IL1RAPL1: variants seen among roughly 807,000 people sequenced by gnomAD.
The protein encoded by IL1RAPL1 is interleukin-1 receptor accessory protein-like 1.
In IL1RAPL1, 3 loss-of-function variants were observed where a neutral mutation model predicts 48.4. The observed-to-expected ratio is 0.06, with a 90% CI of 0.03 to 0.16. IL1RAPL1 has a LOEUF of 0.16. IL1RAPL1 is among the 10% of genes least tolerant of loss of function. The probability of loss-of-function intolerance (pLI) is 1.00; values close to 1 mark genes in which losing one functional copy is unlikely to be tolerated. For synonymous variants in IL1RAPL1, 185 were observed against 187.7 expected, an observed-to-expected ratio of 0.99 and a Z score of 0.12; for missense variants, 349 against 530.6, an observed-to-expected ratio of 0.66 and a Z score of 3.36.
intron 6 of IL1RAPL1, among the ~76,000 whole-genome samples, chrX:29,825,559 G>A (rs1481843149): frequency 9.0e-6 from 1 of 111,530 alleles, no homozygotes; most frequent in Non-Finnish European, 1.9e-5. Context: ...CTCAACAGCG[G>A]ATGCTCTGGT....
intron 2 of IL1RAPL1, among the ~76,000 whole-genome samples, chrX:28,858,616 G>A (rs974794012): frequency 1.8e-5 from 2 of 112,339 alleles, no homozygotes; most frequent in African/African-American, 3.2e-5. Context: ...TATGTACATT[G>A]TTTTCAGACA....
At chrX:28,663,733 C>T (rs1177132197) in intron 1 of IL1RAPL1, among the ~76,000 whole-genome samples, 3 of 105,755 alleles carry the variant, frequency 2.8e-5, no homozygotes, top group African/African-American at 1.0e-4. Flanking sequence ...CTATTGGCCC[C>T]ATATACAAAT....
intron 2 of IL1RAPL1, among the ~76,000 whole-genome samples, chrX:29,026,469 C>G (rs1044388771): frequency 6.3e-5 from 7 of 111,134 alleles, no homozygotes; most frequent in African/African-American, 2.3e-4. Context: ...GATGCATGCA[C>G]GGCTTAAAAC....
At chrX:29,656,647 A>G (rs946330425) in intron 5 of IL1RAPL1, among the ~76,000 whole-genome samples, 3 of 110,105 alleles carry the variant, frequency 2.7e-5, no homozygotes, top group Non-Finnish European at 3.8e-5. Flanking sequence ...ATATATATAT[A>G]TTTATACACC....
chrX:28,947,661 G>T (rs1009008717), intron 2 of IL1RAPL1, among the ~76,000 whole-genome samples: 2 of 111,498 alleles, frequency 1.8e-5, no homozygotes, highest in East Asian at 2.8e-4. Flanking sequence ...GTGTACGTAT[G>T]TAACAAACCT....
chrX:29,886,144 GA>G (rs1363841070), intron 6 of IL1RAPL1, among the ~76,000 whole-genome samples: 1 of 111,948 alleles, frequency 8.9e-6, no homozygotes, highest in Non-Finnish European at 1.9e-5. Context: ...ATTTAGCTAA[GA>G]AAATGTCCAA....
chrX:29,744,344 C>T (rs1018335204), intron 6 of IL1RAPL1, among the ~76,000 whole-genome samples: 2 of 111,578 alleles, frequency 1.8e-5, no homozygotes, highest in African/African-American at 6.5e-5. Flanking sequence ...ACTACAAAGG[C>T]CAGGTGTGAA....
At chrX:29,487,503 G>A (rs1455172327) in intron 5 of IL1RAPL1, among the ~76,000 whole-genome samples, 1 of 111,728 alleles carries the variant, frequency 9.0e-6, no homozygotes, top group African/African-American at 3.3e-5. Flanking sequence ...AAGAAGATGG[G>A]CGTGCATGCT....
chrX:28,979,062 G>A (rs1416895485), intron 2 of IL1RAPL1, among the ~76,000 whole-genome samples: 1 of 111,804 alleles, frequency 8.9e-6, no homozygotes, highest in African/African-American at 3.3e-5. Flanking sequence ...GAACCAAGTG[G>A]CCAAGGCAGG....
chrX:29,411,279 C>T (rs1934139612), intron 5 of IL1RAPL1, among the ~76,000 whole-genome samples: 1 of 112,115 alleles, frequency 8.9e-6, no homozygotes. Flanking sequence ...TAGAAATTAG[C>T]TATGCCTAAA....
At chrX:29,728,606 A>G (rs1209262803) in intron 6 of IL1RAPL1, among the ~76,000 whole-genome samples, 1 of 112,490 alleles carries the variant, frequency 8.9e-6, no homozygotes, top group Non-Finnish European at 1.9e-5. Flanking sequence ...CCTCCCCCAG[A>G]CGTGGACATT....
chrX:29,499,795 A>G (rs760436960), intron 5 of IL1RAPL1, among the ~76,000 whole-genome samples: 5 of 111,113 alleles, frequency 4.5e-5, no homozygotes, highest in Non-Finnish European at 7.5e-5. Context: ...TTTGCTGTTT[A>G]TTTCCTTCTA....
At chrX:29,146,352 A>G (rs1929350334) in intron 2 of IL1RAPL1, among the ~76,000 whole-genome samples, 1 of 111,031 alleles carries the variant, frequency 9.0e-6, no homozygotes. Flanking sequence ...GAAACACCCT[A>G]TAAATAGGGC....
intron 1 of IL1RAPL1, among the ~76,000 whole-genome samples, chrX:28,644,854 C>A (rs1207356232): frequency 9.0e-6 from 1 of 111,153 alleles, no homozygotes; most frequent in Non-Finnish European, 1.9e-5. Context: ...AATGTTGATA[C>A]CAGTTTTGAG....
At chrX:28,966,171 A>G (rs1437128860) in intron 2 of IL1RAPL1, among the ~76,000 whole-genome samples, 1 of 112,227 alleles carries the variant, frequency 8.9e-6, no homozygotes, top group African/African-American at 3.2e-5. Flanking sequence ...AATCTTTAGC[A>G]TTTATAATTG....
At chrX:28,976,825 A>C (rs1441249820) in intron 2 of IL1RAPL1, among the ~76,000 whole-genome samples, 9 of 111,838 alleles carry the variant, frequency 8.0e-5, no homozygotes, top group African/African-American at 2.9e-4. Flanking sequence ...GAAGTCAAGA[A>C]GAAGTTAGGG....
chrX:28,865,061 A>G (rs891969498), intron 2 of IL1RAPL1, among the ~76,000 whole-genome samples: 2 of 111,766 alleles, frequency 1.8e-5, no homozygotes, highest in African/African-American at 6.5e-5. Flanking sequence ...AGCTGAGTCA[A>G]GGATGTTTTC....
At chrX:28,793,798 G>A (rs1936581026) in intron 2 of IL1RAPL1, among the ~76,000 whole-genome samples, 1 of 111,023 alleles carries the variant, frequency 9.0e-6, no homozygotes, top group Non-Finnish European at 1.9e-5. Context: ...TCTGGATGTA[G>A]AAATTAGGTA....
intron 2 of IL1RAPL1, among the ~76,000 whole-genome samples, chrX:28,878,225 TG>T (rs1326142572): frequency 8.9e-6 from 1 of 111,745 alleles, no homozygotes; most frequent in Non-Finnish European, 1.9e-5. Context: ...CTAGGTGGTA[TG>T]AATTACTATC....
Sources: allele counts gnomAD v4.1 joint callset (sites outside exome capture counted in the v4.1 genomes callset), GRCh38; gene constraint gnomAD v4.1.1; transcripts MANE v1.5; gene names NCBI Gene and HGNC (gene_info 2026-07-23, HGNC 2026-07-21).